The following COG5 variants were observed in gnomAD, a reference collection of about 807,000 sequenced individuals.
COG5 encodes the protein conserved oligomeric Golgi complex subunit 5.
COG5 carries 86 observed loss-of-function variants against 110.4 expected under a neutral mutation model. The observed-to-expected ratio is 0.78, with a 90% confidence interval of 0.65 to 0.93. COG5 has a LOEUF of 0.93. Ranked by LOEUF, COG5 falls within the 40% of genes least tolerant of loss-of-function variation. The pLI is 0.00. For missense variants in COG5, 1,077 were observed against 987.0 expected, an observed-to-expected ratio of 1.09 and a Z score of -1.22; for synonymous variants, 360 against 334.6, an observed-to-expected ratio of 1.08 and a Z score of -0.83.
At chr7:107,549,024 T>A (rs932248448) in intron 3 of COG5, among the ~76,000 whole-genome samples, 1 of 152,202 alleles carries the variant, frequency 6.6e-6, no homozygotes, top group Admixed American at 6.5e-5. Flanking sequence ...AGACATGTGG[T>A]CATATTTTAA....
rs115002603 is a variant in COG5, at chr7:107,321,960, C to A, written c.1108+2480G>T. The stretch of plus-strand genomic sequence containing the variant: ...TAGGGGAAAATATCTTCAAAACATG[C>A]AACTAAGGAAGTACTCTGAACCCAG... On this transcript the variant is annotated intron_variant, in intron 11 of 21. Transcript: ENST00000297135. Among the ~76,000 whole-genome samples the A allele has an allele frequency of 5.3e-3, 814 of 152,234 alleles. 8 individuals carry two copies. The highest frequency in any genetic ancestry group is 0.019 in the African/African-American group (792 of 41,538).
intron 10 of COG5, among the ~76,000 whole-genome samples, chr7:107,347,251 T>C (rs1172881125): frequency 6.6e-6 from 1 of 152,196 alleles, no homozygotes; most frequent in Non-Finnish European, 1.5e-5. Context: ...CTGTTATACT[T>C]TGGGTTGTGT....
intron 2 of COG5, among the ~76,000 whole-genome samples, chr7:107,556,690 T>C (rs1372385839): frequency 1.3e-5 from 2 of 152,230 alleles, no homozygotes; most frequent in African/African-American, 4.8e-5. Flanking sequence ...CTGTGGGTCC[T>C]TGGAGAGCCA....
At chr7:107,414,918 G>C (rs1318318000) in intron 6 of COG5, among the ~76,000 whole-genome samples, 1 of 151,380 alleles carries the variant, frequency 6.6e-6, no homozygotes, top group Non-Finnish European at 1.5e-5. Flanking sequence ...AGTAGAGACG[G>C]GGTTTCACCA....
chr7:107,470,295 C>T (rs1423538790), intron 6 of COG5: 1 of 152,196 alleles, frequency 6.6e-6, no homozygotes, highest in East Asian at 1.9e-4. Context: ...AACAATGGCA[C>T]ACTACAGACA....
intron 19 of COG5, among the ~76,000 whole-genome samples, chr7:107,228,359 C>T (rs1264050253): frequency 6.7e-6 from 1 of 150,266 alleles, no homozygotes; most frequent in African/African-American, 2.5e-5. Flanking sequence ...TAAATCACAG[C>T]TTTTCTCATA....
rs1207838819 is a variant in COG5 at position 107,542,341 on chromosome 7, A to G, written c.417+5770T>C. Among the ~76,000 whole-genome samples, 3 of 152,200 alleles carry G rather than the reference A, an allele frequency of 2.0e-5. No individual in the cohort carries two copies. The South Asian group carries it at 6.2e-4, about 32-fold the overall frequency. On this transcript the variant is annotated intron_variant, in intron 5 of 21. Coordinates refer to ENST00000297135, the MANE Select transcript of COG5 (RefSeq NM_006348.5). ...CACAACAAGATACCACCACACACCT[A>G]AAATATTAGCAAAAACTAACAAGTT...
At chr7:107,563,552 G>GGA in intron 1 of COG5, 1 of 500,768 alleles carries the variant, frequency 2.0e-6, no homozygotes, top group Non-Finnish European at 3.6e-6. Flanking sequence ...CATGGGGGGG[G>GGA]GGGGGGTCGA....
At chr7:107,249,149 G>A (rs779612109) in intron 16 of COG5, among the ~76,000 whole-genome samples, 1 of 152,110 alleles carries the variant, frequency 6.6e-6, no homozygotes, top group Non-Finnish European at 1.5e-5. Context: ...CAACAGTTGC[G>A]CATTTCATGA....
rs116081924 is a variant in COG5 at position 107,354,203 on chromosome 7, A to G, written c.1026+7830T>C. 5.5e-3 allele frequency among the ~76,000 whole-genome samples: 831 copies of G among 152,346 alleles called. 9 individuals carry two copies. The highest frequency in any genetic ancestry group is 0.019 in the African/African-American group (809 of 41,590). On this transcript the variant is annotated intron_variant, in intron 10 of 21. Coordinates refer to ENST00000297135, the MANE Select transcript of COG5 (RefSeq NM_006348.5). ...ACATTCAGAGGAAATCCTTGACATT[A>G]GTTTATTTAAGGAAGCATGATCAAT...
At chr7:107,412,330 C>A (rs1050412908) in intron 7 of COG5, among the ~76,000 whole-genome samples, 172 bp downstream of exon 7, 1 of 149,362 alleles carries the variant, frequency 6.7e-6, no homozygotes, top group South Asian at 2.1e-4. Flanking sequence ...ATATATTAAA[C>A]ATATATTAAA....
chr7:107,369,381 ATTC>A (rs1368852774), intron 8 of COG5, among the ~76,000 whole-genome samples: 4 of 140,762 alleles, frequency 2.8e-5, no homozygotes, highest in Non-Finnish European at 4.6e-5. Context: ...GGTAACAAAA[ATTC>A]TTTTTTTTTT....
At chr7:107,302,897 G>A (rs1042249502) in intron 11 of COG5, among the ~76,000 whole-genome samples, 2 of 152,126 alleles carry the variant, frequency 1.3e-5, no homozygotes, top group African/African-American at 2.4e-5. Context: ...AAAACAATAT[G>A]CTAATGCTCA....
chr7:107,471,681 T>C (rs2129109048), intron 6 of COG5: 1 of 152,170 alleles, frequency 6.6e-6, no homozygotes, highest in Non-Finnish European at 1.5e-5. Flanking sequence ...TTACTGATTC[T>C]GGAAGACATA....
intron 6 of COG5, among the ~76,000 whole-genome samples, chr7:107,516,995 C>T (rs531494785): frequency 6.6e-5 from 10 of 152,130 alleles, no homozygotes; most frequent in Admixed American, 2.6e-4. Flanking sequence ...CAGAACTGGA[C>T]GGAGGATGAG....
chr7:107,544,171 C>G (rs1414941421), intron 5 of COG5, among the ~76,000 whole-genome samples: 4 of 152,126 alleles, frequency 2.6e-5, no homozygotes, highest in Non-Finnish European at 5.9e-5. Flanking sequence ...CAGGCTAACC[C>G]TGGTAAACCC....
chr7:107,518,459 A>G (rs1800099786), intron 6 of COG5, among the ~76,000 whole-genome samples: 3 of 152,240 alleles, frequency 2.0e-5, no homozygotes, highest in South Asian at 2.1e-4. Context: ...AAGAGGATAG[A>G]TGAAAATTTA....
intron 3 of COG5, among the ~76,000 whole-genome samples, chr7:107,549,771 T>C (rs971258147): frequency 7.9e-5 from 12 of 152,026 alleles, no homozygotes; most frequent in African/African-American, 2.9e-4. Context: ...CCACTTCTCC[T>C]CTGTCAGACC....
intron 6 of COG5, among the ~76,000 whole-genome samples, chr7:107,432,850 G>T (rs1357326285): frequency 1.3e-5 from 2 of 151,756 alleles, no homozygotes; most frequent in African/African-American, 4.8e-5. Flanking sequence ...GGCAAGAAAA[G>T]AAATAAAAGG....
Sources: allele counts gnomAD v4.1 joint callset (sites outside exome capture counted in the v4.1 genomes callset), GRCh38; gene constraint gnomAD v4.1.1; transcripts MANE v1.5; gene names NCBI Gene and HGNC (gene_info 2026-07-23, HGNC 2026-07-21).